Variants in XKR7 observed in about 807,000 individuals in gnomAD.
The protein encoded by XKR7 is XK related 7, also known as XK-related protein 7.
In XKR7, 11 loss-of-function variants were observed where a neutral mutation model predicts 42.2. The observed-to-expected ratio is 0.26, with a 90% CI of 0.16 to 0.43. The LOEUF (loss-of-function observed/expected upper bound fraction) is 0.43, where lower values mean the gene tolerates loss of function less well. XKR7 is among the 20% of genes least tolerant of loss of function. XKR7 has a pLI of 1.00. For missense variants in XKR7, 710 were observed against 802.2 expected (o/e 0.89, Z 1.39); for synonymous variants, 346 against 366.4 (o/e 0.94, Z 0.64).
Position 31,995,229 on chromosome 20 carries a change from G to A in XKR7, c.746G>A (p.Ser249Asn). 1 of 1,542,340 alleles carries A rather than the reference G, an allele frequency of 6.5e-7. No homozygotes were observed. Among genetic ancestry groups the A allele is most frequent in the Non-Finnish European group, 8.7e-7 (1 of 1,146,270 alleles). Residue 249 changes from serine (S) to asparagine (N), a missense_variant, in exon 2 of 3, where the codon AGC (serine) becomes AAC (asparagine). By Grantham distance (46) the Ser-to-Asn change is conservative. Coordinates refer to ENST00000562532, the MANE Select transcript of XKR7 (RefSeq NM_001011718.2). The surrounding 1 kb of genome is among the most constrained non-coding windows in gnomAD (Gnocchi z 4.1). ...GCGCCGCAGCTAGTGCTGCAGCTCAGCCTGCTGGTGCACCGCGGTGGCGCG... is the reference window on the plus strand; with the variant it reads ...GCGCCGCAGCTAGTGCTGCAGCTCAACCTGCTGGTGCACCGCGGTGGCGCG... ...RSAPQLVLQLSLLVHRGGAPD... is the reference protein window; with the variant it reads ...RSAPQLVLQLNLLVHRGGAPD...
rs774107481 is a variant in XKR7 at position 31,996,729 on chromosome 20, G to A, written c.1012G>A (p.Val338Ile). 1.9e-6 allele frequency: 3 copies of A among 1,613,858 alleles called. No individual in the cohort carries two copies. In the South Asian group the frequency reaches 3.3e-5, roughly 18 times the overall value. The change falls in exon 3 of 3, where the codon GTC becomes ATC. Residue 338 changes from valine to isoleucine, a missense_variant. By Grantham distance (29) the Val-to-Ile change is conservative. Transcript: ENST00000562532. ...FGIFIVAHWC[V>I]MTFWVIQGET... The stretch of plus-strand genomic sequence containing the variant: ...CATCTTCATCGTGGCCCACTGGTGC[G>A]TCATGACCTTCTGGGTCATCCAAGG...
At position 31,987,732 on chromosome 20, in the gene XKR7, G is replaced by A. The variant is rs115918319; in HGVS notation, c.585-7336G>A. 7.9e-3 allele frequency among the ~76,000 whole-genome samples: 1,201 copies of A among 152,328 alleles called. 24 individuals are homozygous for A. The highest frequency in any genetic ancestry group is 0.027 in the African/African-American group (1,142 of 41,578). On this transcript the variant is annotated intron_variant, in intron 1 of 2. Transcript: ENST00000562532. ...CAAGACAGACAGAAAAGCAGACCTC[G>A]TATTCACAGGATAGACAGGCTGTCT... is the stretch of plus-strand genomic sequence containing the variant.
intron 1 of XKR7, among the ~76,000 whole-genome samples, chr20:31,993,374 T>C (rs1013415891): frequency 3.3e-5 from 5 of 152,160 alleles, no homozygotes; most frequent in African/African-American, 4.8e-5. Flanking sequence ...GGCACTGTAC[T>C]TCATAGTGTG....
In XKR7 at chr20:31,995,065, C is replaced by A; in HGVS notation, c.585-3C>A. The stretch of plus-strand genomic sequence containing the variant: ...GAGCCTGAGCACCGCGTCCTTCCCG[C>A]AGGTACCTGCGCGCCCTGTACCTGG... On this transcript the variant is annotated splice_polypyrimidine_tract_variant and splice_region_variant and intron_variant, in intron 1 of 2. Transcript: ENST00000562532. The surrounding 1 kb of genome is among the most constrained non-coding windows in gnomAD (Gnocchi z 4.1). 1 of 1,543,204 alleles carries A rather than the reference C, an allele frequency of 6.5e-7. No individual in the cohort carries two copies. The highest frequency in any genetic ancestry group is 8.7e-7 in the Non-Finnish European group (1 of 1,146,004).
chr20:31,988,910 C>T (rs2064555230), intron 1 of XKR7, among the ~76,000 whole-genome samples: 1 of 152,162 alleles, frequency 6.6e-6, no homozygotes, highest in Admixed American at 6.5e-5. Flanking sequence ...CACACAGATA[C>T]TCACATGTAT....
At chr20:31,976,652 T>C (rs2064486821) in intron 1 of XKR7, among the ~76,000 whole-genome samples, 1 of 152,224 alleles carries the variant, frequency 6.6e-6, no homozygotes, top group African/African-American at 2.4e-5. Context: ...CCCAAAGTGC[T>C]GGGATTACAG....
At position 32,001,266 on chromosome 20, in the gene XKR7, T is replaced by C. The variant is rs1367213572; in HGVS notation, c.*3809T>C. The C allele has an allele frequency of 6.6e-6, 1 of 152,132 alleles. No homozygotes were observed. The highest frequency in any genetic ancestry group is 1.9e-4 in the East Asian group (1 of 5,200). The allele number at this position is 152,132 out of a possible 1,614,324, so 9.4% of individuals were successfully genotyped here. A position where few individuals can be genotyped will look rare whatever the true frequency, so the allele number is the denominator to read the frequency against. On this transcript the variant is annotated 3_prime_UTR_variant, in exon 3 of 3. Transcript: ENST00000562532. ...CTCAAATGCCTCGAGATAATGAAACTAAGAGTAATGGAGACAATAGGGAGT... is the reference window on the plus strand; with the variant it reads ...CTCAAATGCCTCGAGATAATGAAACCAAGAGTAATGGAGACAATAGGGAGT...
chr20:31,982,523 A>T (rs1165443440), intron 1 of XKR7, among the ~76,000 whole-genome samples: 2 of 151,616 alleles, frequency 1.3e-5, no homozygotes, highest in Admixed American at 6.6e-5. Context: ...CTGTCTCAAA[A>T]AAAAAAAAAA....
rs1232388922 is a variant in XKR7 at position 31,998,869 on chromosome 20, C to A, written c.*1412C>A. 6.6e-6 allele frequency: 1 copy of A among 152,254 alleles called. No homozygotes were observed. Among genetic ancestry groups the A allele is most frequent in the Non-Finnish European group, 1.5e-5 (1 of 68,076 alleles). 9.4% of individuals were successfully genotyped at this position (152,254 alleles called of 1,614,324 possible). On this transcript the variant is annotated 3_prime_UTR_variant, in exon 3 of 3. Transcript: ENST00000562532. Reference sequence around the variant, plus strand: ...CTCCCCAGGACCTGTGGTCTATTCCCATGGCCTGAACATCCTGGAGTGCCC... The same window carrying A: ...CTCCCCAGGACCTGTGGTCTATTCCAATGGCCTGAACATCCTGGAGTGCCC...
rs2064595338 is a variant in XKR7, at chr20:31,996,905, C to A, written c.1188C>A (p.Ala396=). The change falls in exon 3 of 3, where the codon GCC becomes GCA. Residue 396 remains alanine (A), a synonymous_variant. Coordinates refer to ENST00000562532, the MANE Select transcript of XKR7 (RefSeq NM_001011718.2). The part of the protein sequence containing the change: ...LYHCIVLLEN[A]ALTGFWYSSR... The stretch of plus-strand genomic sequence containing the variant: ...ACTGCATCGTCCTGCTGGAGAACGC[C>A]GCGCTCACCGGCTTCTGGTACTCCA... The A allele has an allele frequency of 6.2e-7, 1 of 1,613,774 alleles. No homozygotes were observed. The highest frequency in any genetic ancestry group is 1.1e-5 in the South Asian group (1 of 91,088).
rs528097190 is a variant in XKR7, at chr20:31,985,577, A to C, written c.585-9491A>C. Among the ~76,000 whole-genome samples, 3 of 151,932 alleles carry C rather than the reference A, an allele frequency of 2.0e-5. No individual in the cohort carries two copies. In the East Asian group the frequency reaches 5.9e-4, roughly 30 times the overall value. On this transcript the variant is annotated intron_variant, in intron 1 of 2. Coordinates refer to ENST00000562532, the MANE Select transcript of XKR7 (RefSeq NM_001011718.2). Reference sequence around the variant, plus strand: ...AGACAGACCACCAAGTGGACCTAGCATCCAAGACACAGACAGACCACCGAA... The same window carrying C: ...AGACAGACCACCAAGTGGACCTAGCCTCCAAGACACAGACAGACCACCGAA...
intron 1 of XKR7, among the ~76,000 whole-genome samples, chr20:31,978,662 T>A (rs2064496790): frequency 6.6e-6 from 1 of 152,220 alleles, no homozygotes; most frequent in Non-Finnish European, 1.5e-5. Flanking sequence ...GGAACTAAAT[T>A]TTAAACTCTT....
At chr20:31,984,235 TG>T (rs1247438321) in intron 1 of XKR7, among the ~76,000 whole-genome samples, 6 of 150,138 alleles carry the variant, frequency 4.0e-5, no homozygotes, top group African/African-American at 1.5e-4. Context: ...CATTCCAGCC[TG>T]GGTGACAAGA....
In XKR7 at chr20:31,998,469, G is replaced by A. The variant is rs2064607726; in HGVS notation, c.*1012G>A. On this transcript the variant is annotated 3_prime_UTR_variant, in exon 3 of 3. Transcript: ENST00000562532. ...GTCCCAGGGAGCCACTCTGATCTGTGTATTCTGTTGTGAGGAGGAGGACAC... is the reference window on the plus strand; with the variant it reads ...GTCCCAGGGAGCCACTCTGATCTGTATATTCTGTTGTGAGGAGGAGGACAC... 6.6e-6 allele frequency: 1 copy of A among 152,266 alleles called. No individual in the cohort carries two copies. The highest frequency in any genetic ancestry group is 2.4e-5 in the African/African-American group (1 of 41,406). The allele number at this position is 152,266 out of a possible 1,614,324, so 9.4% of individuals were successfully genotyped here. A position where few individuals can be genotyped will look rare whatever the true frequency, so the allele number is the denominator to read the frequency against.
chr20:31,991,837 G>C (rs918271771), intron 1 of XKR7, among the ~76,000 whole-genome samples: 6 of 152,198 alleles, frequency 3.9e-5, no homozygotes, highest in African/African-American at 1.2e-4. Context: ...CTGAGATCAG[G>C]CCAGGCGTGG....
At chr20:31,987,960 C>T (rs1244140054) in intron 1 of XKR7, among the ~76,000 whole-genome samples, 1 of 152,294 alleles carries the variant, frequency 6.6e-6, no homozygotes, top group East Asian at 1.9e-4. Flanking sequence ...CTAACAGACT[C>T]CTGACAGAAA....
Position 31,968,333 on chromosome 20 carries a change from A to C in XKR7, c.158A>C (p.Glu53Ala), listed in dbSNP as rs768293795. The change falls in exon 1 of 3, where the codon GAG (glutamate) becomes GCG (alanine). Residue 53 changes from glutamate to alanine, a missense_variant. Around this residue, in one of 2 missense-constraint regions of XKR7, gnomAD observed 708 missense variants for 786.2 expected, o/e 0.90. Transcript: ENST00000562532. The surrounding 1 kb of genome is among the most constrained non-coding windows in gnomAD (Gnocchi z 4.5). ...VGAGGPGPRY[E>A]LRDCCWVLCA... ...GCGGGCGGCCCGGGGCCGCGCTACG[A>C]GCTGCGGGACTGCTGCTGGGTGCTG... 1.3e-6 allele frequency: 2 copies of C among 1,541,708 alleles called. No homozygotes were observed. The highest frequency in any genetic ancestry group is 1.7e-6 in the Non-Finnish European group (2 of 1,150,406).
intron 1 of XKR7, among the ~76,000 whole-genome samples, chr20:31,994,251 G>T (rs926412520): frequency 8.5e-5 from 13 of 152,216 alleles, no homozygotes; most frequent in African/African-American, 3.1e-4. Context: ...AGGAACCTAT[G>T]TGAGCAAAAC....
At chr20:31,983,728 C>T (rs2064524341) in intron 1 of XKR7, among the ~76,000 whole-genome samples, 1 of 152,110 alleles carries the variant, frequency 6.6e-6, no homozygotes, top group South Asian at 2.1e-4. Flanking sequence ...AGGCGGATCA[C>T]CTGAGGTCAG....
Sources: gnomAD v4.1 joint callset for allele counts (sites outside exome capture counted in the v4.1 genomes callset) on GRCh38, gnomAD v4.1.1 for gene constraint, gnomAD v4.1.1 regional missense constraint, Gnocchi (gnomAD v3.1) non-coding constraint, MANE v1.5 for transcripts, NCBI Gene and HGNC (gene_info 2026-07-23, HGNC 2026-07-21) for gene names.